GRB2: variants seen among roughly 807,000 people sequenced by gnomAD.
GRB2 encodes the protein growth factor receptor-bound protein 2.
GRB2 carries 2 observed loss-of-function variants against 27.4 expected under a neutral mutation model. The observed-to-expected ratio is 0.07, with a 90% confidence interval of 0.03 to 0.23. The LOEUF (loss-of-function observed/expected upper bound fraction) is 0.23. Ranked by LOEUF, GRB2 falls within the 10% of genes least tolerant of loss-of-function variation. The pLI is 1.00. For missense variants in GRB2, 102 were observed against 282.4 expected, an observed-to-expected ratio of 0.36 and a Z score of 4.58; for synonymous variants, 94 against 99.6, an observed-to-expected ratio of 0.94 and a Z score of 0.33.
Position 75,342,191 on chromosome 17 carries a change from T to G in GRB2, c.79-9394A>C, listed in dbSNP as rs1168922338. ...GTCAATAATATAATCCCTTATGGTA[T>G]CTGGTCTATCACTACTTGGACCATG... On this transcript the variant is annotated intron_variant, in intron 2 of 5. Coordinates refer to ENST00000316804, the MANE Select transcript of GRB2 (RefSeq NM_002086.5). Among the ~76,000 whole-genome samples, 4 of 152,336 alleles carry G rather than the reference T, an allele frequency of 2.6e-5. No homozygotes were observed. The East Asian group carries it at 7.7e-4, about 29-fold the overall frequency.
In GRB2 at chr17:75,321,653, G is replaced by C. The variant is rs1335751276; in HGVS notation, c.468+6C>G. 1.2e-6 allele frequency: 2 copies of C among 1,613,482 alleles called. No homozygotes were observed. Among genetic ancestry groups the C allele is most frequent in the Admixed American group, 3.3e-5 (2 of 59,994 alleles). ...AATGATCCCATCTCACCCTGATGAG[G>C]CTTACCTGTGGCACCTGTTCTATGT... On this transcript the variant is annotated splice_donor_region_variant and intron_variant, in intron 5 of 5. Transcript: ENST00000316804.
chr17:75,338,839 C>A (rs1238069266), intron 2 of GRB2: 6 of 765,508 alleles, frequency 7.8e-6, no homozygotes, highest in Non-Finnish European at 1.4e-5. Flanking sequence ...GGTCAACTTT[C>A]CTAAAATTCA....
At chr17:75,343,712 G>C (rs570155599) in intron 2 of GRB2, among the ~76,000 whole-genome samples, 2 of 152,184 alleles carry the variant, frequency 1.3e-5, no homozygotes, top group South Asian at 2.1e-4. Flanking sequence ...TCTACCAAAG[G>C]GGTACAAAAA....
At chr17:75,325,409 T>G (rs1340979915) in intron 4 of GRB2, among the ~76,000 whole-genome samples, 1 of 152,234 alleles carries the variant, frequency 6.6e-6, no homozygotes, top group Non-Finnish European at 1.5e-5. Flanking sequence ...CTCCATTCCC[T>G]GCTTACCCGC....
chr17:75,330,828 T>C (rs919575232), intron 3 of GRB2, among the ~76,000 whole-genome samples: 3 of 152,326 alleles, frequency 2.0e-5, no homozygotes, highest in African/African-American at 7.2e-5. Flanking sequence ...CCCATCCATA[T>C]GCATTTAGTG....
At chr17:75,374,424 A>C (rs2078878129) in intron 2 of GRB2, among the ~76,000 whole-genome samples, 1 of 145,204 alleles carries the variant, frequency 6.9e-6, no homozygotes, top group African/African-American at 2.7e-5. Context: ...AAAAAAAAAA[A>C]GAATTCCTCA....
At chr17:75,399,602 G>A (rs1238231579) in intron 1 of GRB2, among the ~76,000 whole-genome samples, 5 of 151,454 alleles carry the variant, frequency 3.3e-5, no homozygotes, top group African/African-American at 4.9e-5. Flanking sequence ...TCCTGACCTC[G>A]TGATCCACCC....
intron 2 of GRB2, among the ~76,000 whole-genome samples, chr17:75,342,495 C>T (rs2078627829): frequency 6.6e-6 from 1 of 152,102 alleles, no homozygotes; most frequent in African/African-American, 2.4e-5. Context: ...TTCTCCAATT[C>T]CTAGGCTCAA....
intron 3 of GRB2, among the ~76,000 whole-genome samples, chr17:75,327,100 C>T (rs7209216): frequency 7.1e-6 from 1 of 139,922 alleles, no homozygotes; most frequent in African/African-American, 2.6e-5. Flanking sequence ...AGGAGTCTAG[C>T]TCTGTCACCC....
chr17:75,363,061 C>T (rs2078795260), intron 2 of GRB2, among the ~76,000 whole-genome samples: 1 of 152,136 alleles, frequency 6.6e-6, no homozygotes, highest in Non-Finnish European at 1.5e-5. Context: ...AAAAGCCCAG[C>T]AGACAGTTTG....
At position 75,396,794 on chromosome 17, in the gene GRB2, T is replaced by C. The variant is rs115985486; in HGVS notation, c.-137-3029A>G. ...CTCTAATGCCGAGACTATGTATTAG[T>C]GATAGGAAGCTGAAGAATATTTACA... On this transcript the variant is annotated intron_variant, in intron 1 of 5. Transcript: ENST00000316804. Among the ~76,000 whole-genome samples, 678 of 152,280 alleles carry C rather than the reference T, an allele frequency of 4.5e-3. 8 individuals are homozygous for C. The highest frequency in any genetic ancestry group is 0.015 in the African/African-American group (635 of 41,572).
chr17:75,379,965 T>A (rs371603424), intron 2 of GRB2, among the ~76,000 whole-genome samples: 35 of 152,330 alleles, frequency 2.3e-4, no homozygotes, highest in African/African-American at 8.4e-4. Flanking sequence ...CATATAACAT[T>A]ACTTTCACAT....
intron 2 of GRB2, among the ~76,000 whole-genome samples, chr17:75,356,460 A>T (rs1454229171): frequency 6.6e-6 from 1 of 152,174 alleles, no homozygotes; most frequent in Non-Finnish European, 1.5e-5. Flanking sequence ...ATGAGCCATG[A>T]TCACACCACT....
intron 2 of GRB2, 152 bp downstream of exon 2, chr17:75,393,399 C>A: frequency 1.4e-6 from 1 of 691,366 alleles, no homozygotes; most frequent in Non-Finnish European, 2.6e-6. Context: ...TAATATTCTA[C>A]TCAGCATCTA....
rs998242441 is a variant in GRB2, at chr17:75,320,949, G to C, written c.469-396C>G. Among the ~76,000 whole-genome samples, 1 of 152,022 alleles carries C rather than the reference G, an allele frequency of 6.6e-6. No homozygotes were observed. Among genetic ancestry groups the C allele is most frequent in the Non-Finnish European group, 1.5e-5 (1 of 68,008 alleles). ...ATTAAAGCCTAAAGTTCTGGAGCTC[G>C]AATAACATAAGGGGCTCTAACCGTA... On this transcript the variant is annotated intron_variant, in intron 5 of 5. Coordinates refer to ENST00000316804, the MANE Select transcript of GRB2 (RefSeq NM_002086.5). The surrounding 1 kb of genome is among the most constrained non-coding windows in gnomAD (Gnocchi z 4.3).
chr17:75,386,589 T>A (rs2078965212), intron 2 of GRB2, among the ~76,000 whole-genome samples: 1 of 152,210 alleles, frequency 6.6e-6, no homozygotes, highest in Non-Finnish European at 1.5e-5. Flanking sequence ...TTTGTTATCT[T>A]TGGTAATCTG....
chr17:75,357,836 G>A (rs985198489), intron 2 of GRB2, among the ~76,000 whole-genome samples: 5 of 152,152 alleles, frequency 3.3e-5, no homozygotes, highest in East Asian at 1.9e-4. Flanking sequence ...CAGGAGAACC[G>A]CTTGAATCTG....
rs181105109 is a variant in GRB2 at position 75,399,976 on chromosome 17, G to A, written c.-138+5513C>T. On this transcript the variant is annotated intron_variant, in intron 1 of 5. Coordinates refer to ENST00000316804, the MANE Select transcript of GRB2 (RefSeq NM_002086.5). ...TGAGCCACCGTGCCCGGCCCTGACC[G>A]ACAATTTTGAAATATTAATACATAC... Among the ~76,000 whole-genome samples the A allele has an allele frequency of 1.9e-3, 291 of 151,630 alleles. 2 individuals are homozygous for A. The South Asian group carries it at 0.022, about 11-fold the overall frequency.
rs1479617564 is a variant in GRB2, at chr17:75,349,700, A to G, written c.79-16903T>C. On this transcript the variant is annotated intron_variant, in intron 2 of 5. Transcript: ENST00000316804. ...ACGCCTGGCTAATTTTTGTATTTTA[A>G]GTTGAGACGAGGTTTGACCATTTTG... Among the ~76,000 whole-genome samples, 7 of 151,746 alleles carry G rather than the reference A, an allele frequency of 4.6e-5. No individual in the cohort carries two copies. In the East Asian group the frequency reaches 1.2e-3, roughly 25 times the overall value.
Sources: gnomAD v4.1 joint callset for allele counts (sites outside exome capture counted in the v4.1 genomes callset) on GRCh38, gnomAD v4.1.1 for gene constraint, Gnocchi (gnomAD v3.1) non-coding constraint, MANE v1.5 for transcripts, NCBI Gene and HGNC (gene_info 2026-07-23, HGNC 2026-07-21) for gene names.